EIF4G3: variants seen among roughly 807,000 people sequenced by gnomAD.
EIF4G3 encodes the protein eIF-4-gamma 3.
Under a neutral mutation model 186.4 loss-of-function variants are expected in EIF4G3, and 34 were observed. The observed-to-expected ratio is 0.18, with a 90% CI of 0.14 to 0.24. The LOEUF (loss-of-function observed/expected upper bound fraction) is 0.24. Among genes scored for constraint, EIF4G3 ranks in the 10% least tolerant of loss-of-function variants. The pLI, the probability that EIF4G3 is intolerant of heterozygous loss-of-function variation, is 1.00. For synonymous variants in EIF4G3, 673 were observed against 679.5 expected (o/e 0.99, Z 0.15); for missense variants, 1,536 against 1,948.5 (o/e 0.79, Z 3.99).
At chr1:20,994,536 T>C (rs1273185214) in intron 7 of EIF4G3, among the ~76,000 whole-genome samples, 1 of 152,194 alleles carries the variant, frequency 6.6e-6, no homozygotes, top group Non-Finnish European at 1.5e-5. Context: ...GAATTTATAC[T>C]GTATCTTAGG....
intron 21 of EIF4G3, 104 bp from the exon 22 acceptor site, chr1:20,864,816 A>C (rs1356052565): frequency 9.5e-7 from 1 of 1,054,962 alleles, no homozygotes; most frequent in Non-Finnish European, 1.4e-6. Flanking sequence ...TCTGATAGCA[A>C]GTGTAGAATC....
intron 2 of EIF4G3, among the ~76,000 whole-genome samples, chr1:21,120,511 C>T (rs1238115288): frequency 6.6e-6 from 1 of 151,030 alleles, no homozygotes; most frequent in East Asian, 1.9e-4. Flanking sequence ...GCCTATAATC[C>T]CAGCTACTTG....
intron 10 of EIF4G3, among the ~76,000 whole-genome samples, chr1:20,977,703 C>T (rs2077129782): frequency 6.6e-6 from 1 of 151,982 alleles, no homozygotes; most frequent in African/African-American, 2.4e-5. Context: ...TACAATTATA[C>T]CTCAACATAC....
At chr1:20,874,276 C>G (rs1056160653) in intron 20 of EIF4G3, among the ~76,000 whole-genome samples, 3 of 151,992 alleles carry the variant, frequency 2.0e-5, no homozygotes, top group Admixed American at 6.6e-5. Flanking sequence ...ACTGTTGAAC[C>G]AACTTACGTT....
At chr1:21,004,683 A>G (rs568541506) in intron 4 of EIF4G3, among the ~76,000 whole-genome samples, 19 of 152,326 alleles carry the variant, frequency 1.2e-4, no homozygotes, top group African/African-American at 4.1e-4. Flanking sequence ...ATATATCTAG[A>G]AAGTATTAGC....
Position 20,851,327 on chromosome 1 carries a change from G to C in EIF4G3, c.3703C>G (p.Gln1235Glu), listed in dbSNP as rs1448911640. The C allele has an allele frequency of 2.5e-6, 4 of 1,613,998 alleles. No individual in the cohort carries two copies. The highest frequency in any genetic ancestry group is 3.4e-6 in the Non-Finnish European group (4 of 1,180,042). Residue 1235 changes from glutamine (Q) to glutamate (E), a missense_variant, in exon 28 of 37, where the codon CAG (glutamine) becomes GAG (glutamate). Transcript: ENST00000602326. ...TCCACATCCACACCTCCTGTGAGCT[G>C]CTTCACGGTCTCCAGCATCTCTCTC... is the stretch of plus-strand genomic sequence containing the variant. Reference protein sequence around the residue: ...QRREMLETVKQLTGGVDVERN... With the variant: ...QRREMLETVKELTGGVDVERN...
intron 14 of EIF4G3, among the ~76,000 whole-genome samples, chr1:20,924,861 C>T (rs1302526114): frequency 1.3e-5 from 2 of 152,110 alleles, no homozygotes; most frequent in Non-Finnish European, 2.9e-5. Flanking sequence ...CTCACCCACC[C>T]GAAAATTATT....
chr1:20,869,542 G>A (rs2078541918), intron 20 of EIF4G3, among the ~76,000 whole-genome samples: 1 of 151,914 alleles, frequency 6.6e-6, no homozygotes, highest in South Asian at 2.1e-4. Flanking sequence ...TTGGGAAGCT[G>A]AGGCGGGTGG....
At chr1:20,967,702 C>T (rs1264052701) in intron 12 of EIF4G3, among the ~76,000 whole-genome samples, 2 of 152,168 alleles carry the variant, frequency 1.3e-5, no homozygotes, top group Non-Finnish European at 2.9e-5. Context: ...TTCCAAGGGG[C>T]TCTAAACTCA....
chr1:20,908,016 TAA>T (rs1038312262), intron 14 of EIF4G3, among the ~76,000 whole-genome samples: 23 of 151,984 alleles, frequency 1.5e-4, no homozygotes, highest in African/African-American at 4.3e-4. Context: ...ACCAACAGTG[TAA>T]AAGTGTTCCT....
At chr1:20,914,593 T>C (rs2093652716) in intron 14 of EIF4G3, among the ~76,000 whole-genome samples, 1 of 152,232 alleles carries the variant, frequency 6.6e-6, no homozygotes, top group Non-Finnish European at 1.5e-5. Context: ...AACTGTAAGA[T>C]AATTAATGTG....
At chr1:21,099,602 A>G (rs1473183285) in intron 2 of EIF4G3, among the ~76,000 whole-genome samples, 4 of 152,218 alleles carry the variant, frequency 2.6e-5, no homozygotes, top group Non-Finnish European at 4.4e-5. Flanking sequence ...TATATAATAT[A>G]CTAGTTAAGA....
chr1:20,834,346 G>A (rs1327717075), intron 30 of EIF4G3, among the ~76,000 whole-genome samples: 1 of 152,118 alleles, frequency 6.6e-6, no homozygotes, highest in Non-Finnish European at 1.5e-5. Flanking sequence ...AACTACCCAG[G>A]AGGATTGCTT....
At chr1:21,167,277 G>C (rs2097871205) in intron 2 of EIF4G3, among the ~76,000 whole-genome samples, 1 of 151,834 alleles carries the variant, frequency 6.6e-6, no homozygotes, top group South Asian at 2.1e-4. Flanking sequence ...AATTATGTTT[G>C]TTCCCACACT....
At chr1:21,144,723 C>A (rs955364224) in intron 2 of EIF4G3, among the ~76,000 whole-genome samples, 1 of 151,328 alleles carries the variant, frequency 6.6e-6, no homozygotes, top group Admixed American at 6.6e-5. Context: ...TTATAATAAA[C>A]CACTGAAAGA....
At position 21,038,691 on chromosome 1, in the gene EIF4G3, CT is replaced by C. The variant is rs2093382897; in HGVS notation, c.-67+12174del. On this transcript the variant is annotated intron_variant, in intron 4 of 36. Transcript: ENST00000602326. The stretch of plus-strand genomic sequence containing the variant: ...CTCTCTGTTTCTCTTAGAACTAGGA[CT>C]TCAAATTAGATTTTTAAGTACCTAC... Among the ~76,000 whole-genome samples the C allele has an allele frequency of 3.3e-5, 5 of 152,298 alleles. No homozygotes were observed. The South Asian group carries it at 1.0e-3, about 32-fold the overall frequency.
At chr1:20,946,129 T>C (rs1260567821) in intron 13 of EIF4G3, among the ~76,000 whole-genome samples, 4 of 152,178 alleles carry the variant, frequency 2.6e-5, no homozygotes, top group Non-Finnish European at 5.9e-5. Context: ...ATGCTGAGCA[T>C]CCTGCAATTT....
rs1389613186 is a variant in EIF4G3 at position 20,899,942 on chromosome 1, A to G, written c.1754T>C (p.Leu585Pro). The change falls in exon 16 of 37, where the codon CTT becomes CCT. Residue 585 changes from leucine to proline, a missense_variant and splice_region_variant. By Grantham distance (98) the Leu-to-Pro change is moderately conservative (BLOSUM62 -3). Transcript: ENST00000602326. Reference protein sequence around the residue: ...TEEMLEAELELKAEEELSIDK... With the variant: ...TEEMLEAELEPKAEEELSIDK... Reference sequence around the variant, plus strand: ...AATGGAAAGCTCCTCTTCAGCTTTAAGCTAAATAATAAATGAACAAAGAGG... The same window carrying G: ...AATGGAAAGCTCCTCTTCAGCTTTAGGCTAAATAATAAATGAACAAAGAGG... The G allele has an allele frequency of 6.2e-7, 1 of 1,605,412 alleles. No individual in the cohort carries two copies. The highest frequency in any genetic ancestry group is 1.3e-5 in the African/African-American group (1 of 74,078).
At position 20,973,101 on chromosome 1, in the gene EIF4G3, TA is replaced by T; in HGVS notation, c.494-3del. Reference sequence around the variant, plus strand: ...GCTGACTTGGGTAAAAAGGCGTTCCTAAAAAGTTGGAAAAAATTAAATAGGC... The same window carrying T: ...GCTGACTTGGGTAAAAAGGCGTTCCTAAAAGTTGGAAAAAATTAAATAGGC... On this transcript the variant is annotated splice_region_variant and splice_polypyrimidine_tract_variant and intron_variant, in intron 10 of 36. Transcript: ENST00000602326. 6.2e-7 allele frequency: 1 copy of T among 1,607,144 alleles called. No homozygotes were observed. Among genetic ancestry groups the T allele is most frequent in the Middle Eastern group, 1.7e-4 (1 of 6,042 alleles).
Sources: gnomAD v4.1 joint callset for allele counts (sites outside exome capture counted in the v4.1 genomes callset) on GRCh38, gnomAD v4.1.1 for gene constraint, MANE v1.5 for transcripts, NCBI Gene and HGNC (gene_info 2026-07-23, HGNC 2026-07-21) for gene names.